The following EHBP1 variants were observed in gnomAD, a reference collection of about 807,000 sequenced individuals.
EHBP1 encodes the protein EH domain-binding protein 1.
EHBP1 carries 55 observed loss-of-function variants against 144.0 expected under a neutral mutation model. That is an observed-to-expected ratio of 0.38 (90% CI 0.31 to 0.48). The LOEUF is 0.48. EHBP1 is among the 20% of genes least tolerant of loss of function. The probability of loss-of-function intolerance (pLI) is 0.98; values close to 1 mark genes in which losing one functional copy is unlikely to be tolerated. For missense variants in EHBP1, 1,200 were observed against 1,364.2 expected (o/e 0.88, Z 1.90); for synonymous variants, 469 against 472.7 (o/e 0.99, Z 0.10).
intron 5 of EHBP1, among the ~76,000 whole-genome samples, chr2:62,779,420 C>T (rs919141378): frequency 4.6e-5 from 7 of 152,164 alleles, no homozygotes; most frequent in Admixed American, 4.6e-4. Flanking sequence ...GGAGGGAAAC[C>T]AGTCCTTTCC....
intron 7 of EHBP1, among the ~76,000 whole-genome samples, chr2:62,839,316 A>C (rs2047587499): frequency 1.3e-5 from 2 of 149,460 alleles, no homozygotes; most frequent in Admixed American, 1.3e-4. Flanking sequence ...AACTCTCAAT[A>C]AATTAGGTAT....
chr2:62,946,585 A>C (rs1668134395), intron 12 of EHBP1, among the ~76,000 whole-genome samples: 1 of 152,328 alleles, frequency 6.6e-6, no homozygotes, highest in African/African-American at 2.4e-5. Flanking sequence ...CTGTGTCTTA[A>C]ATTTCATACA....
rs199657576 is a variant in EHBP1 at position 62,980,841 on chromosome 2, AT to A, written c.2608+1514del. Among the ~76,000 whole-genome samples, 128 of 147,630 alleles carry A rather than the reference AT, an allele frequency of 8.7e-4. 2 individuals are homozygous for A. The highest frequency in any genetic ancestry group is 2.8e-3 in the African/African-American group (113 of 40,670). On this transcript the variant is annotated intron_variant, in intron 15 of 22. Coordinates refer to ENST00000431489, the MANE Select transcript of EHBP1 (RefSeq NM_001142616.3). ...CAAATATATATATATATATATTTTA[AT>A]TTTTTTTCACGTGTCTTTTTTTTTT...
chr2:62,851,873 G>T (rs537571440), intron 7 of EHBP1, among the ~76,000 whole-genome samples: 90 of 152,186 alleles, frequency 5.9e-4, no homozygotes, highest in African/African-American at 2.0e-3. Flanking sequence ...TTAGTGAAGA[G>T]AATGTAAAGA....
chr2:62,680,951 G>T (rs1164635477), intron 1 of EHBP1, among the ~76,000 whole-genome samples: 1 of 152,128 alleles, frequency 6.6e-6, no homozygotes, highest in East Asian at 1.9e-4. Context: ...TGGGAGGAAA[G>T]GAGAGTAATC....
chr2:62,676,289 A>G (rs998802556), intron 1 of EHBP1, among the ~76,000 whole-genome samples: 3 of 152,260 alleles, frequency 2.0e-5, no homozygotes, highest in Non-Finnish European at 2.9e-5. Context: ...AATGACTAGT[A>G]AGATATCACT....
chr2:62,855,683 G>A (rs2152776500), intron 7 of EHBP1, among the ~76,000 whole-genome samples: 1 of 152,328 alleles, frequency 6.6e-6, no homozygotes, highest in South Asian at 2.1e-4. Context: ...GCAGAGAGAA[G>A]CAACCAATTC....
chr2:62,825,183 C>CAT (rs1341702464), intron 5 of EHBP1, among the ~76,000 whole-genome samples: 1 of 151,904 alleles, frequency 6.6e-6, no homozygotes, highest in Non-Finnish European at 1.5e-5. Flanking sequence ...TTCCCTTTGC[C>CAT]ATAGAACCTG....
At position 62,990,702 on chromosome 2, in the gene EHBP1, T is replaced by C; in HGVS notation, c.2609-14T>C. On this transcript the variant is annotated splice_polypyrimidine_tract_variant and intron_variant, in intron 15 of 22. Transcript: ENST00000431489. ...ATCTCACTCAGTTATTCATGGTATT[T>C]GCATATTTAACAGAACAAAACAGTA... 1 of 1,613,044 alleles carries C rather than the reference T, an allele frequency of 6.2e-7. No homozygotes were observed. Among genetic ancestry groups the C allele is most frequent in the South Asian group, 1.1e-5 (1 of 90,956 alleles).
intron 5 of EHBP1, among the ~76,000 whole-genome samples, chr2:62,806,370 TG>T (rs769888263): frequency 2.0e-5 from 3 of 152,078 alleles, no homozygotes; most frequent in African/African-American, 7.2e-5. Flanking sequence ...TCGTTTGGTT[TG>T]TTTTTTTTTG....
At chr2:62,962,512 T>C (rs2058051979) in intron 14 of EHBP1, among the ~76,000 whole-genome samples, 1 of 152,200 alleles carries the variant, frequency 6.6e-6, no homozygotes, top group Non-Finnish European at 1.5e-5. Flanking sequence ...AAGTTTAGAA[T>C]TCATACACTC....
At chr2:62,779,874 C>A (rs1264605710) in intron 5 of EHBP1, among the ~76,000 whole-genome samples, 1 of 152,094 alleles carries the variant, frequency 6.6e-6, no homozygotes, top group Non-Finnish European at 1.5e-5. Context: ...TCTAAGTACA[C>A]GTCTCCCGGC....
At chr2:62,697,380 A>T (rs2034137922) in intron 1 of EHBP1, among the ~76,000 whole-genome samples, 1 of 152,260 alleles carries the variant, frequency 6.6e-6, no homozygotes, top group African/African-American at 2.4e-5. Context: ...TTGCACAAGC[A>T]GCCACAACAA....
At chr2:62,916,635 G>A (rs2054637655) in intron 10 of EHBP1, among the ~76,000 whole-genome samples, 1 of 150,858 alleles carries the variant, frequency 6.6e-6, no homozygotes, top group African/African-American at 2.4e-5. Flanking sequence ...AAAGTGATAG[G>A]TAAGGATGAT....
intron 10 of EHBP1, among the ~76,000 whole-genome samples, chr2:62,907,744 C>A (rs2710646): frequency 0.13 from 20,236 of 152,200 alleles, 1,698 homozygotes; most frequent in Admixed American, 0.19. Flanking sequence ...CACAAGCATC[C>A]AGTTCATAAC....
intron 4 of EHBP1, among the ~76,000 whole-genome samples, chr2:62,769,384 A>G (rs917529689): frequency 6.6e-6 from 1 of 152,226 alleles, no homozygotes. Flanking sequence ...CGAGAGCCAA[A>G]TGAGGAACAC....
intron 10 of EHBP1, among the ~76,000 whole-genome samples, chr2:62,887,540 C>G (rs2052035226): frequency 6.7e-6 from 1 of 149,852 alleles, no homozygotes; most frequent in Non-Finnish European, 1.5e-5. Context: ...GAGTTCAAGA[C>G]CAGCCTGGGC....
intron 5 of EHBP1, among the ~76,000 whole-genome samples, chr2:62,820,316 C>T (rs1027654335): frequency 6.6e-6 from 1 of 150,716 alleles, no homozygotes; most frequent in Non-Finnish European, 1.5e-5. Context: ...AAAAGACTCA[C>T]AATACTGTAC....
chr2:62,737,095 G>C (rs898986362), intron 2 of EHBP1, among the ~76,000 whole-genome samples: 26 of 152,144 alleles, frequency 1.7e-4, no homozygotes, highest in East Asian at 3.8e-4. Context: ...GGGCAGGATG[G>C]CTAGAATGGG....
Sources: allele counts gnomAD v4.1 joint callset (sites outside exome capture counted in the v4.1 genomes callset), GRCh38; gene constraint gnomAD v4.1.1; transcripts MANE v1.5; gene names NCBI Gene and HGNC (gene_info 2026-07-23, HGNC 2026-07-21).